Variants in MYO16 observed in about 807,000 individuals in gnomAD.
MYO16 encodes unconventional myosin-XVI.
A neutral mutation model predicts 205.3 loss-of-function variants in MYO16; 94 were observed. The observed-to-expected ratio is 0.46, with a 90% CI of 0.39 to 0.54. The LOEUF (loss-of-function observed/expected upper bound fraction) is 0.54, where lower values mean the gene tolerates loss of function less well. MYO16 is among the 20% of genes least tolerant of loss of function. The probability of loss-of-function intolerance (pLI) is 0.00; values close to 1 mark genes in which losing one functional copy is unlikely to be tolerated. For missense variants in MYO16, 2,315 were observed against 2,387.5 expected (o/e 0.97, Z 0.63); for synonymous variants, 988 against 954.0 (o/e 1.04, Z -0.66).
intron 2 of MYO16, among the ~76,000 whole-genome samples, chr13:108,667,827 C>A (rs559756932): frequency 1.3e-5 from 2 of 152,224 alleles, no homozygotes; most frequent in East Asian, 3.9e-4. Context: ...GGAAGACTCT[C>A]CTGAGGCCAG....
At position 108,966,850 on chromosome 13, in the gene MYO16, T is replaced by C. The variant is rs184653949; in HGVS notation, c.2369+1948T>C. Among the ~76,000 whole-genome samples the C allele has an allele frequency of 3.4e-3, 520 of 152,294 alleles. 4 individuals are homozygous for C. The highest frequency in any genetic ancestry group is 5.5e-3 in the Non-Finnish European group (371 of 68,020). ...TTTGCAGATTTATAGGCCCATTTCC[T>C]AAGTCACAGAAAAGTCTCAAAAATT... On this transcript the variant is annotated intron_variant, in intron 20 of 34. Transcript: ENST00000457511.
At chr13:108,620,838 T>G (rs1330338872) in intron 1 of MYO16, among the ~76,000 whole-genome samples, 2 of 152,214 alleles carry the variant, frequency 1.3e-5, no homozygotes, top group African/African-American at 4.8e-5. Context: ...ATGATATTTA[T>G]GCATTTCAGA....
chr13:109,028,756 T>C (rs145996398), intron 23 of MYO16, among the ~76,000 whole-genome samples: 100 of 151,524 alleles, frequency 6.6e-4, no homozygotes, highest in African/African-American at 2.4e-3. Context: ...ACAGATAAAA[T>C]TGTAATCTCA....
At position 108,992,307 on chromosome 13, in the gene MYO16, A is replaced by G. The variant is rs1884863228; in HGVS notation, c.2370-69A>G. 2.6e-6 allele frequency: 3 copies of G among 1,145,186 alleles called. No homozygotes were observed. In the Admixed American group the frequency reaches 6.0e-5, roughly 23 times the overall value. 70.9% of individuals were successfully genotyped at this position (1,145,186 alleles called of 1,614,324 possible). A position where few individuals can be genotyped will look rare whatever the true frequency, so the allele number is the denominator to read the frequency against. On this transcript the variant is annotated intron_variant, in intron 20 of 34. Coordinates refer to ENST00000457511, the MANE Select transcript of MYO16 (RefSeq NM_001198950.3). ...AAGTGGCTGGATTCTTCTGACCTGA[A>G]TAATGAAAAGAGGGTCATGAAGGAG...
intron 27 of MYO16, among the ~76,000 whole-genome samples, chr13:109,057,811 A>T (rs746101924): frequency 2.0e-5 from 3 of 152,078 alleles, no homozygotes; most frequent in Non-Finnish European, 4.4e-5. Flanking sequence ...GGGAGTAGGG[A>T]CCGGGCTCCC....
intron 2 of MYO16, among the ~76,000 whole-genome samples, chr13:108,700,236 G>T (rs1227009977): frequency 6.6e-6 from 1 of 151,502 alleles, no homozygotes; most frequent in African/African-American, 2.4e-5. Context: ...AGAGGCTGAG[G>T]CAGGAGAATC....
chr13:108,639,614 A>T (rs931713839), intron 1 of MYO16, among the ~76,000 whole-genome samples: 4 of 152,220 alleles, frequency 2.6e-5, no homozygotes, highest in African/African-American at 7.2e-5. Context: ...ACTTTTTCTG[A>T]AAGCAACTGG....
intron 16 of MYO16, among the ~76,000 whole-genome samples, chr13:108,937,739 C>A (rs2139306887): frequency 6.6e-6 from 1 of 152,274 alleles, no homozygotes; most frequent in Admixed American, 6.5e-5. Flanking sequence ...TTTAGAATCT[C>A]TGATTGATTT....
chr13:108,566,061 G>A, the MYO16 span, among the ~76,000 whole-genome samples: 1 of 151,832 alleles, frequency 6.6e-6, no homozygotes, highest in East Asian at 1.9e-4. Flanking sequence ...GAGTTTGAAA[G>A]TATTCCCTCC....
At chr13:108,864,169 C>T (rs1878592063) in intron 11 of MYO16, among the ~76,000 whole-genome samples, 1 of 152,020 alleles carries the variant, frequency 6.6e-6, no homozygotes, top group Admixed American at 6.6e-5. Flanking sequence ...TTATTTCATT[C>T]ATTTTACTCA....
At chr13:108,884,064 G>T (rs954330279) in intron 13 of MYO16, among the ~76,000 whole-genome samples, 1 of 152,192 alleles carries the variant, frequency 6.6e-6, no homozygotes, top group Non-Finnish European at 1.5e-5. Flanking sequence ...GGGAGGGAAA[G>T]CTCTATAAAT....
intron 33 of MYO16, among the ~76,000 whole-genome samples, chr13:109,176,393 C>A (rs979730580): frequency 6.6e-6 from 1 of 151,176 alleles, no homozygotes; most frequent in African/African-American, 2.4e-5. Flanking sequence ...CTACATTGTT[C>A]TTTTAAAATA....
chr13:108,601,296 T>C (rs1878753723), intron 1 of MYO16, among the ~76,000 whole-genome samples: 1 of 152,162 alleles, frequency 6.6e-6, no homozygotes, highest in African/African-American at 2.4e-5. Context: ...GAGAATTTCC[T>C]GTTATTTATT....
intron 16 of MYO16, among the ~76,000 whole-genome samples, chr13:108,956,270 C>T (rs1883344330): frequency 6.6e-6 from 1 of 152,134 alleles, no homozygotes; most frequent in African/African-American, 2.4e-5. Flanking sequence ...CTGCTTTCCA[C>T]CTCCCCGTGC....
chr13:108,996,402 T>C (rs9521119), intron 21 of MYO16, among the ~76,000 whole-genome samples: 23,824 of 152,158 alleles, frequency 0.16, 2,221 homozygotes, highest in Non-Finnish European at 0.21. Context: ...TGGGCCCTAA[T>C]GTGCTAAATT....
intron 6 of MYO16, among the ~76,000 whole-genome samples, chr13:108,805,687 A>G (rs1887091048): frequency 6.6e-6 from 1 of 152,104 alleles, no homozygotes; most frequent in Admixed American, 6.6e-5. Context: ...CCTTAGAAAC[A>G]GGAATTCCCT....
At chr13:108,782,026 T>C (rs1309757207) in intron 4 of MYO16, among the ~76,000 whole-genome samples, 2 of 152,160 alleles carry the variant, frequency 1.3e-5, no homozygotes, top group African/African-American at 4.8e-5. Context: ...AGTAAATTGG[T>C]ACCAGTAGAG....
chr13:108,557,150 G>A, the MYO16 span, among the ~76,000 whole-genome samples: 6,689 of 152,046 alleles, frequency 0.044, 441 homozygotes, highest in African/African-American at 0.15. Context: ...TTAGGATTGT[G>A]TTTTCTATTT....
At chr13:108,569,152 G>A in the MYO16 span, among the ~76,000 whole-genome samples, 3 of 151,888 alleles carry the variant, frequency 2.0e-5, no homozygotes, top group East Asian at 1.9e-4. Flanking sequence ...TTGATTCCTT[G>A]CATTTTCATA....
Sources: gnomAD v4.1 joint callset for allele counts (sites outside exome capture counted in the v4.1 genomes callset) on GRCh38, gnomAD v4.1.1 for gene constraint, MANE v1.5 for transcripts, NCBI Gene and HGNC (gene_info 2026-07-23, HGNC 2026-07-21) for gene names.